The following SP1 variants were observed in gnomAD, a reference collection of about 807,000 sequenced individuals.
The protein encoded by SP1 is transcription factor Sp1.
In SP1, 6 loss-of-function variants were observed where a neutral mutation model predicts 66.3. That is an observed-to-expected ratio of 0.09 (90% confidence interval 0.05 to 0.18). The LOEUF is 0.18. Ranked by LOEUF, SP1 falls within the 10% of genes least tolerant of loss-of-function variation. SP1 has a pLI of 1.00. For missense variants in SP1, 848 were observed against 964.5 expected, an observed-to-expected ratio of 0.88 and a Z score of 1.60; for synonymous variants, 417 against 360.8, an observed-to-expected ratio of 1.16 and a Z score of -1.77.
Position 53,411,097 on chromosome 12 carries a change from A to G in SP1, c.2215A>G (p.Thr739Ala). The G allele has an allele frequency of 6.2e-7, 1 of 1,613,964 alleles. No homozygotes were observed. Among genetic ancestry groups the G allele is most frequent in the South Asian group, 1.1e-5 (1 of 91,080 alleles). Residue 739 changes from threonine (T) to alanine (A), a missense_variant, in exon 6 of 6, where the codon ACT becomes GCT. Physicochemically the swap from Thr to Ala is moderately conservative, Grantham distance 58. This residue lies in a region of SP1 where 73 missense variants were observed against 91.9 expected (regional missense o/e 0.79). Coordinates refer to ENST00000327443, the MANE Select transcript of SP1 (RefSeq NM_138473.3). ...AGGTTCAGAAGGCAGTGGCACTGCCACTCCTTCAGCCCTTATTACCACCAA... is the reference window on the plus strand; with the variant it reads ...AGGTTCAGAAGGCAGTGGCACTGCCGCTCCTTCAGCCCTTATTACCACCAA... ...GAGSEGSGTATPSALITTNMV... is the reference protein window; with the variant it reads ...GAGSEGSGTAAPSALITTNMV...
chr12:53,396,895 C>T (rs1215224797), intron 3 of SP1, among the ~76,000 whole-genome samples: 1 of 152,042 alleles, frequency 6.6e-6, no homozygotes, highest in African/African-American at 2.4e-5. Context: ...TCCCAGAGTG[C>T]TGGGATTACA....
At chr12:53,391,050 TAAGTTACTTTTTG>T (rs921479298) in intron 3 of SP1, among the ~76,000 whole-genome samples, 7 of 152,206 alleles carry the variant, frequency 4.6e-5, no homozygotes, top group Non-Finnish European at 1.0e-4. Context: ...TCATGCTTTT[TAAGTTACTTTTTG>T]GGTGTCTGTC....
Position 53,400,267 on chromosome 12 carries a change from A to G in SP1, c.1676-6318A>G, listed in dbSNP as rs1035573924. On this transcript the variant is annotated intron_variant, in intron 3 of 5. Coordinates refer to ENST00000327443, the MANE Select transcript of SP1 (RefSeq NM_138473.3). ...TTTCACATAAATAGAATCTTACAGTATGTGGTCTTTAATGACTGGCTTCTT... is the reference window on the plus strand; with the variant it reads ...TTTCACATAAATAGAATCTTACAGTGTGTGGTCTTTAATGACTGGCTTCTT... Among the ~76,000 whole-genome samples, 7 of 152,354 alleles carry G rather than the reference A, an allele frequency of 4.6e-5. No homozygotes were observed. The East Asian group carries it at 1.2e-3, about 25-fold the overall frequency.
At position 53,411,306 on chromosome 12, in the gene SP1, G is replaced by A. The variant is rs1432120218; in HGVS notation, c.*66G>A. 6 of 1,284,750 alleles carry A rather than the reference G, an allele frequency of 4.7e-6. No homozygotes were observed. Among genetic ancestry groups the A allele is most frequent in the Non-Finnish European group, 6.5e-6 (6 of 917,626 alleles). The allele number at this position is 1,284,750 out of a possible 1,614,324, so 79.6% of individuals were successfully genotyped here. ...TTAACCCCGGGATGCAAGGTAGCATGGGTCCAAGAGACATGGAAGAGAGAG... is the reference window on the plus strand; with the variant it reads ...TTAACCCCGGGATGCAAGGTAGCATAGGTCCAAGAGACATGGAAGAGAGAG... On this transcript the variant is annotated 3_prime_UTR_variant, in exon 6 of 6. Coordinates refer to ENST00000327443, the MANE Select transcript of SP1 (RefSeq NM_138473.3).
chr12:53,382,490 C>A lies in SP1; in HGVS notation c.543C>A (p.Thr181=). The A allele has an allele frequency of 6.2e-7, 1 of 1,614,158 alleles. No individual in the cohort carries two copies. Among genetic ancestry groups the A allele is most frequent in the Non-Finnish European group, 8.5e-7 (1 of 1,180,016 alleles). ...IQYQVIPQFQ[T]VDGQQLQFAA... ...ATCAAGTAATCCCACAGTTCCAGAC[C>A]GTTGATGGGCAACAGCTGCAGTTTG... The change falls in exon 3 of 6, where the codon ACC becomes ACA. Residue 181 remains threonine, a synonymous_variant. Coordinates refer to ENST00000327443, the MANE Select transcript of SP1 (RefSeq NM_138473.3).
At chr12:53,393,809 G>A (rs1389399079) in intron 3 of SP1, among the ~76,000 whole-genome samples, 1 of 151,468 alleles carries the variant, frequency 6.6e-6, no homozygotes, top group African/African-American at 2.4e-5. Flanking sequence ...TGTTGGCCAG[G>A]CTAGTCTTGA....
At chr12:53,392,568 G>A (rs1427755383) in intron 3 of SP1, among the ~76,000 whole-genome samples, 4 of 150,816 alleles carry the variant, frequency 2.7e-5, no homozygotes, top group Non-Finnish European at 4.4e-5. Flanking sequence ...CGTTTTAGCC[G>A]GGATGGTCTC....
In SP1 at chr12:53,383,077, G is replaced by C; in HGVS notation, c.1130G>C (p.Gly377Ala). The stretch of plus-strand genomic sequence containing the variant: ...AACATCCAGCAAAACCAGACATCTG[G>C]AGGCTCATTGCAAGCAGGCCAGCAA... ...ALNIQQNQTSGGSLQAGQQKE... is the reference protein window; with the variant it reads ...ALNIQQNQTSAGSLQAGQQKE... The change falls in exon 3 of 6, where the codon GGA (glycine) becomes GCA (alanine). Residue 377 changes from glycine (G) to alanine (A), a missense_variant. Coordinates refer to ENST00000327443, the MANE Select transcript of SP1 (RefSeq NM_138473.3). The C allele has an allele frequency of 6.2e-7, 1 of 1,614,168 alleles. No individual in the cohort carries two copies. Among genetic ancestry groups the C allele is most frequent in the Non-Finnish European group, 8.5e-7 (1 of 1,180,030 alleles).
chr12:53,407,588 T>A (rs1938773512), intron 4 of SP1, among the ~76,000 whole-genome samples: 1 of 151,824 alleles, frequency 6.6e-6, no homozygotes, highest in Admixed American at 6.6e-5. Context: ...CCTCCCAAAG[T>A]GCTGGGATTA....
At chr12:53,392,603 C>T (rs983905229) in intron 3 of SP1, among the ~76,000 whole-genome samples, 6 of 151,224 alleles carry the variant, frequency 4.0e-5, no homozygotes, top group African/African-American at 7.3e-5. Flanking sequence ...GTGATCCGCC[C>T]GCCTCGGCCT....
intron 3 of SP1, among the ~76,000 whole-genome samples, chr12:53,403,354 CTT>C (rs1299427420): frequency 6.6e-6 from 1 of 152,008 alleles, no homozygotes; most frequent in African/African-American, 2.4e-5. Context: ...TTATAGAAAT[CTT>C]TTTTGGTTTT....
intron 3 of SP1, among the ~76,000 whole-genome samples, chr12:53,387,046 G>A (rs895427402): frequency 1.9e-4 from 29 of 151,230 alleles, no homozygotes; most frequent in Admixed American, 4.6e-4. Context: ...TGCCTTCCGG[G>A]TTCAAGCAAT....
rs1317185362 is a variant in SP1, at chr12:53,415,219, C to T, written c.*3979C>T. Reference sequence around the variant, plus strand: ...TGGGAGACTGTGCTCTCTGTGGTGCCTCTCTTGGCTCTACTCCACAGATAC... The same window carrying T: ...TGGGAGACTGTGCTCTCTGTGGTGCTTCTCTTGGCTCTACTCCACAGATAC... On this transcript the variant is annotated 3_prime_UTR_variant, in exon 6 of 6. Transcript: ENST00000327443. The T allele has an allele frequency of 6.6e-6, 1 of 152,426 alleles. No homozygotes were observed. The highest frequency in any genetic ancestry group is 1.5e-5 in the Non-Finnish European group (1 of 68,016). 9.4% of individuals were successfully genotyped at this position (152,426 alleles called of 1,614,324 possible).
Position 53,382,704 on chromosome 12 carries a change from G to A in SP1, c.757G>A (p.Val253Met). Reference protein sequence around the residue: ...NNVLSGQTQYVTNVPVALNGN... With the variant: ...NNVLSGQTQYMTNVPVALNGN... ...TGTACTCTCAGGACAGACTCAGTAT[G>A]TGACCAATGTACCAGTGGCCCTGAA... The change falls in exon 3 of 6, where the codon GTG becomes ATG. Residue 253 changes from valine to methionine, a missense_variant. By Grantham distance (21) the Val-to-Met change is conservative. Around this residue, in one of 7 missense-constraint regions of SP1, gnomAD observed 606 missense variants for 589.9 expected, o/e 1.03. Transcript: ENST00000327443. 6.2e-7 allele frequency: 1 copy of A among 1,614,130 alleles called. No individual in the cohort carries two copies. Among genetic ancestry groups the A allele is most frequent in the Non-Finnish European group, 8.5e-7 (1 of 1,180,014 alleles).
chr12:53,387,416 A>T (rs75159323), intron 3 of SP1, among the ~76,000 whole-genome samples: 1 of 152,326 alleles, frequency 6.6e-6, no homozygotes, highest in Non-Finnish European at 1.5e-5. Flanking sequence ...AGTCTGCTTA[A>T]GTTCCCTGAT....
At chr12:53,410,901 T>C in intron 5 of SP1, 26 bp from the exon 6 acceptor site, 1 of 1,575,234 alleles carries the variant, frequency 6.3e-7, no homozygotes, top group Non-Finnish European at 8.7e-7. Flanking sequence ...ACATGTCAGC[T>C]TCTTATCTTT....
intron 4 of SP1, among the ~76,000 whole-genome samples, chr12:53,408,618 A>T (rs1938805997): frequency 6.6e-6 from 1 of 151,068 alleles, no homozygotes; most frequent in Admixed American, 6.6e-5. Flanking sequence ...TTTAAAAAAG[A>T]AGGCTTGGCC....
rs1174455499 is a variant in SP1, at chr12:53,382,396, C to T, written c.449C>T (p.Ala150Val). The change falls in exon 3 of 6, where the codon GCT (alanine) becomes GTT (valine). Residue 150 changes from alanine (A) to valine (V), a missense_variant. Physicochemically the swap from Ala to Val is moderately conservative, Grantham distance 64. This residue lies in a region of SP1 where 606 missense variants were observed against 589.9 expected (regional missense o/e 1.03). Transcript: ENST00000327443. ...RTVSGGQYVVAAAPNLQNQQV... is the reference protein window; with the variant it reads ...RTVSGGQYVVVAAPNLQNQQV... Reference sequence around the variant, plus strand: ...GTCTCTGGTGGGCAGTATGTTGTGGCTGCCGCTCCCAACTTACAGAACCAG... The same window carrying T: ...GTCTCTGGTGGGCAGTATGTTGTGGTTGCCGCTCCCAACTTACAGAACCAG... 5 of 1,614,210 alleles carry T rather than the reference C, an allele frequency of 3.1e-6. No individual in the cohort carries two copies.
chr12:53,398,842 A>G (rs933831490), intron 3 of SP1, among the ~76,000 whole-genome samples: 2 of 152,214 alleles, frequency 1.3e-5, no homozygotes, highest in African/African-American at 4.8e-5. Flanking sequence ...ACAGTCAAAC[A>G]ATGCAAAATT....
Sources: gnomAD v4.1 joint callset for allele counts (sites outside exome capture counted in the v4.1 genomes callset) on GRCh38, gnomAD v4.1.1 for gene constraint, gnomAD v4.1.1 regional missense constraint, MANE v1.5 for transcripts, NCBI Gene and HGNC (gene_info 2026-07-23, HGNC 2026-07-21) for gene names.